Variants in GATA4 observed in about 807,000 individuals in gnomAD.
GATA4 encodes GATA binding protein 4, also known as transcription factor GATA-4.
A neutral mutation model predicts 37.9 loss-of-function variants in GATA4; 7 were observed. That is an observed-to-expected ratio of 0.18 (90% CI 0.11 to 0.35). The LOEUF (loss-of-function observed/expected upper bound fraction) is 0.35, where lower values mean the gene tolerates loss of function less well. Ranked by LOEUF, GATA4 falls within the 10% of genes least tolerant of loss-of-function variation. The pLI, the probability that GATA4 is intolerant of heterozygous loss-of-function variation, is 1.00. For synonymous variants in GATA4, 372 were observed against 292.6 expected (o/e 1.27, Z -2.77); for missense variants, 647 against 653.0 (o/e 0.99, Z 0.10).
intron 1 of GATA4, chr8:11,680,685 C>T (rs191505095): frequency 1.0e-6 from 1 of 985,350 alleles, no homozygotes. Context: ...GAGACCCCCC[C>T]CTTGGGGAGA....
At chr8:11,739,108 A>T (rs570560705) in intron 2 of GATA4, among the ~76,000 whole-genome samples, 1 of 152,370 alleles carries the variant, frequency 6.6e-6, no homozygotes, top group South Asian at 2.1e-4. Context: ...CTTTCCGGCC[A>T]GGAGGATCCC....
chr8:11,682,841 C>T (rs1195347790), intron 1 of GATA4, among the ~76,000 whole-genome samples: 2 of 152,164 alleles, frequency 1.3e-5, no homozygotes, highest in Non-Finnish European at 1.5e-5. Flanking sequence ...TCCAATAGTC[C>T]TTCTCACTTC....
intron 2 of GATA4, among the ~76,000 whole-genome samples, chr8:11,712,119 G>A (rs1338394817): frequency 1.3e-5 from 2 of 152,196 alleles, no homozygotes; most frequent in East Asian, 1.9e-4. Flanking sequence ...GAAAAGTAAG[G>A]TAATACTTTT....
chr8:11,738,581 A>G (rs1801573281), intron 2 of GATA4, among the ~76,000 whole-genome samples: 1 of 152,236 alleles, frequency 6.6e-6, no homozygotes, highest in African/African-American at 2.4e-5. Context: ...CTGCTATGGA[A>G]GGACATGCCA....
intron 2 of GATA4, among the ~76,000 whole-genome samples, chr8:11,739,601 A>G (rs1438400877): frequency 6.6e-6 from 1 of 151,246 alleles, no homozygotes; most frequent in African/African-American, 2.4e-5. Context: ...GGAACATGGC[A>G]TCTCAGTGGC....
At chr8:11,723,903 AC>A (rs1800792464) in intron 2 of GATA4, among the ~76,000 whole-genome samples, 1 of 152,084 alleles carries the variant, frequency 6.6e-6, no homozygotes, top group Admixed American at 6.5e-5. Context: ...TACAACCATC[AC>A]CCCCAGCAGT....
At position 11,685,323 on chromosome 8, in the gene GATA4, T is replaced by A. The variant is rs138920299; in HGVS notation, c.-274+8260T>A. 2.6e-3 allele frequency among the ~76,000 whole-genome samples: 389 copies of A among 152,368 alleles called. 2 individuals are homozygous for A. Among genetic ancestry groups the A allele is most frequent in the African/African-American group, 8.8e-3 (364 of 41,584 alleles). On this transcript the variant is annotated intron_variant, in intron 1 of 6. Transcript: ENST00000528712. ...TGTTTCCAATTCTTTCTGCCTAATG[T>A]GGCTAAGGATGGATTTGGTTGTCCC... is the stretch of plus-strand genomic sequence containing the variant.
At chr8:11,740,023 C>T (rs978242689) in intron 2 of GATA4, among the ~76,000 whole-genome samples, 1 of 152,144 alleles carries the variant, frequency 6.6e-6, no homozygotes, top group Non-Finnish European at 1.5e-5. Context: ...GCGGCGGGGG[C>T]ACCCTTCGCA....
At chr8:11,758,216 G>A in intron 6 of GATA4, 77 bp from the exon 7 acceptor site, 1 of 1,464,230 alleles carries the variant, frequency 6.8e-7, no homozygotes. Context: ...GCATAGCAGG[G>A]CACCCTCCCC....
At chr8:11,694,601 C>A in intron 1 of GATA4, 1 of 746,818 alleles carries the variant, frequency 1.3e-6, no homozygotes, top group Non-Finnish European at 1.6e-6. Flanking sequence ...TGCTTTGTTC[C>A]TAAGAGGAAA....
intron 5 of GATA4, among the ~76,000 whole-genome samples, chr8:11,755,920 A>AAG (rs1802538990): frequency 1.3e-5 from 2 of 151,182 alleles, no homozygotes; most frequent in African/African-American, 4.8e-5. Flanking sequence ...AAAAAAAAAA[A>AAG]AAAGAAATAC....
intron 2 of GATA4, among the ~76,000 whole-genome samples, chr8:11,725,863 G>T (rs1800897949): frequency 6.6e-6 from 1 of 152,234 alleles, no homozygotes; most frequent in South Asian, 2.1e-4. Flanking sequence ...CTGGGCCCGG[G>T]GGGTGGGGTG....
rs148066753 is a variant in GATA4, at chr8:11,732,304, C to T, written c.617-16612C>T. On this transcript the variant is annotated intron_variant, in intron 2 of 6. Transcript: ENST00000532059. Reference sequence around the variant, plus strand: ...TAAAAAGGCAGATGGAACTACTAGACGTATTGTCATCGAACTATTCTCCAG... The same window carrying T: ...TAAAAAGGCAGATGGAACTACTAGATGTATTGTCATCGAACTATTCTCCAG... Among the ~76,000 whole-genome samples the T allele has an allele frequency of 5.4e-4, 82 of 152,280 alleles. 2 individuals are homozygous for T. The highest frequency in any genetic ancestry group is 4.3e-3 in the Admixed American group (66 of 15,292).
intron 4 of GATA4, among the ~76,000 whole-genome samples, chr8:11,751,619 C>T (rs1190639422): frequency 1.3e-5 from 2 of 152,148 alleles, no homozygotes; most frequent in African/African-American, 4.8e-5. Flanking sequence ...AAGAAAAGAA[C>T]AATTGATCTT....
upstream of GATA4, among the ~76,000 whole-genome samples, chr8:11,687,798 C>A (rs905765095): frequency 2.0e-5 from 3 of 152,016 alleles, no homozygotes; most frequent in Non-Finnish European, 2.9e-5. Context: ...TATTGGGATC[C>A]CTTACTCATC....
intron 2 of GATA4, among the ~76,000 whole-genome samples, chr8:11,744,456 C>A (rs1366382772): frequency 6.6e-6 from 1 of 152,200 alleles, no homozygotes; most frequent in East Asian, 1.9e-4. Flanking sequence ...GCATCCGAGG[C>A]CACAGCTGTG....
At chr8:11,711,709 C>G (rs1188091064) in intron 2 of GATA4, among the ~76,000 whole-genome samples, 1 of 135,768 alleles carries the variant, frequency 7.4e-6, no homozygotes, top group Non-Finnish European at 1.5e-5. Context: ...CCCGAGGCCA[C>G]TGCACTCCAG....
chr8:11,716,358 A>C (rs565528033), intron 2 of GATA4, among the ~76,000 whole-genome samples: 12 of 152,266 alleles, frequency 7.9e-5, no homozygotes, highest in African/African-American at 2.9e-4. Flanking sequence ...ATGGATGCAC[A>C]GGAAAACTGC....
At chr8:11,683,741 A>C (rs1377976972) in intron 1 of GATA4, among the ~76,000 whole-genome samples, 3 of 152,140 alleles carry the variant, frequency 2.0e-5, no homozygotes, top group African/African-American at 7.2e-5. Context: ...AAGACACACA[A>C]ATCGGAGATG....
Sources: gnomAD v4.1 joint callset for allele counts (sites outside exome capture counted in the v4.1 genomes callset) on GRCh38, gnomAD v4.1.1 for gene constraint, MANE v1.5 for transcripts, NCBI Gene and HGNC (gene_info 2026-07-23, HGNC 2026-07-21) for gene names.